ASCC3: variants seen among roughly 807,000 people sequenced by gnomAD.
ASCC3 encodes ASC-1 complex subunit P200.
Under a neutral mutation model 256.3 loss-of-function variants are expected in ASCC3, and 158 were observed. That is an observed-to-expected ratio of 0.62 (90% CI 0.54 to 0.70). The LOEUF is 0.70. Ranked by LOEUF, ASCC3 falls within the 30% of genes least tolerant of loss-of-function variation. The pLI, the probability that ASCC3 is intolerant of heterozygous loss-of-function variation, is 0.00. For missense variants in ASCC3, 2,259 were observed against 2,626.0 expected (o/e 0.86, Z 3.05); for synonymous variants, 948 against 883.4 (o/e 1.07, Z -1.30).
chr6:100,622,575 T>C (rs1249022957), intron 30 of ASCC3, among the ~76,000 whole-genome samples: 2 of 151,934 alleles, frequency 1.3e-5, no homozygotes, highest in Admixed American at 1.3e-4. Context: ...AATACACCTA[T>C]GTAACAAACC....
At chr6:100,867,670 T>C (rs2114554993) in intron 2 of ASCC3, among the ~76,000 whole-genome samples, 1 of 152,046 alleles carries the variant, frequency 6.6e-6, no homozygotes. Context: ...AAAAAAAAAA[T>C]TAACAAAGGA....
chr6:100,632,585 T>G (rs538416294), intron 25 of ASCC3, among the ~76,000 whole-genome samples: 1 of 152,036 alleles, frequency 6.6e-6, no homozygotes, highest in Non-Finnish European at 1.5e-5. Flanking sequence ...AAAGCTACAG[T>G]AATCATAACA....
At chr6:100,796,552 G>A (rs949610322) in intron 8 of ASCC3, among the ~76,000 whole-genome samples, 1 of 152,068 alleles carries the variant, frequency 6.6e-6, no homozygotes, top group Non-Finnish European at 1.5e-5. Context: ...TAACCTGATA[G>A]GGCTGGTGAA....
intron 8 of ASCC3, among the ~76,000 whole-genome samples, chr6:100,794,827 T>G (rs1162195680): frequency 1.3e-5 from 2 of 152,046 alleles, no homozygotes; most frequent in Non-Finnish European, 2.9e-5. Context: ...CCCTACTGAC[T>G]CTTAAAAAAT....
intron 10 of ASCC3, among the ~76,000 whole-genome samples, chr6:100,732,860 T>C (rs1779972315): frequency 6.6e-6 from 1 of 152,102 alleles, no homozygotes; most frequent in Non-Finnish European, 1.5e-5. Context: ...GCACCAGTAG[T>C]GTAGTGTTAG....
chr6:100,600,192 C>T (rs1233499599), intron 34 of ASCC3, among the ~76,000 whole-genome samples: 1 of 124,222 alleles, frequency 8.1e-6, no homozygotes, highest in Admixed American at 9.1e-5. Flanking sequence ...CCCATCTATA[C>T]ACACATGCAC....
intron 30 of ASCC3, among the ~76,000 whole-genome samples, chr6:100,607,572 C>T (rs999612630): frequency 6.6e-6 from 1 of 151,924 alleles, no homozygotes; most frequent in South Asian, 2.1e-4. Context: ...CTGAACAAGT[C>T]ACACAACCTC....
chr6:100,835,099 A>G (rs1307742937), intron 4 of ASCC3, among the ~76,000 whole-genome samples: 2 of 151,904 alleles, frequency 1.3e-5, no homozygotes, highest in Non-Finnish European at 2.9e-5. Context: ...AAAAAAAGAC[A>G]CATTCTGATT....
intron 37 of ASCC3, chr6:100,531,191 C>T (rs1774854544): frequency 1.6e-6 from 1 of 614,854 alleles, no homozygotes; most frequent in African/African-American, 1.8e-5. Context: ...TTTAAGGATA[C>T]ATCTTGGACC....
intron 10 of ASCC3, among the ~76,000 whole-genome samples, chr6:100,753,120 C>A (rs1376994541): frequency 6.6e-6 from 1 of 151,890 alleles, no homozygotes. Context: ...CTTTGAAGAT[C>A]ATAGCTTATT....
At chr6:100,728,806 C>T (rs1388413842) in intron 10 of ASCC3, among the ~76,000 whole-genome samples, 2 of 152,082 alleles carry the variant, frequency 1.3e-5, no homozygotes, top group Non-Finnish European at 1.5e-5. Context: ...ATGAAAGCAT[C>T]CATAGCTGCG....
At position 100,745,607 on chromosome 6, in the gene ASCC3, T is replaced by A. The variant is rs368200943; in HGVS notation, c.1738-19904A>T. 2.0e-4 allele frequency among the ~76,000 whole-genome samples: 30 copies of A among 152,282 alleles called. No individual in the cohort carries two copies. In the East Asian group the frequency reaches 5.4e-3, roughly 27 times the overall value. On this transcript the variant is annotated intron_variant, in intron 10 of 41. Transcript: ENST00000369162. Reference sequence around the variant, plus strand: ...CCATCATGCTTTCTTTAAGCATATGTTTGCACTGTTGGAAGGGACTTTCTG... The same window carrying A: ...CCATCATGCTTTCTTTAAGCATATGATTGCACTGTTGGAAGGGACTTTCTG...
chr6:100,692,649 T>G (rs1327026596), intron 13 of ASCC3, among the ~76,000 whole-genome samples: 1 of 152,086 alleles, frequency 6.6e-6, no homozygotes, highest in African/African-American at 2.4e-5. Flanking sequence ...CTGAATTGTT[T>G]TCTCTCTTTA....
chr6:100,519,347 A>G (rs979871734), intron 37 of ASCC3, among the ~76,000 whole-genome samples: 2 of 152,154 alleles, frequency 1.3e-5, no homozygotes, highest in African/African-American at 4.8e-5. Flanking sequence ...ATAAAGACAG[A>G]ATGTTGGTAT....
chr6:100,671,690 C>A (rs1289395271), intron 14 of ASCC3, among the ~76,000 whole-genome samples: 1 of 151,984 alleles, frequency 6.6e-6, no homozygotes, highest in Admixed American at 6.6e-5. Flanking sequence ...ATATTCCTTT[C>A]CCCCAGTGAA....
intron 1 of ASCC3, among the ~76,000 whole-genome samples, chr6:100,878,634 A>G (rs1769115700): frequency 6.6e-6 from 1 of 152,218 alleles, no homozygotes; most frequent in Admixed American, 6.5e-5. Flanking sequence ...TCCAGTGGAA[A>G]AGGGCCTAGC....
rs1325844836 is a variant in ASCC3, at chr6:100,675,568, T to C, written c.2286+4050A>G. Among the ~76,000 whole-genome samples the C allele has an allele frequency of 2.6e-5, 4 of 151,930 alleles. No homozygotes were observed. The South Asian group carries it at 6.2e-4, about 24-fold the overall frequency. ...TGAACTTATAAAAACAAGGAAATGA[T>C]TGACAGATCTACATAATAAAAAGTC... On this transcript the variant is annotated intron_variant, in intron 14 of 41. Transcript: ENST00000369162.
chr6:100,573,564 T>C (rs1770703514), intron 36 of ASCC3, among the ~76,000 whole-genome samples: 1 of 152,136 alleles, frequency 6.6e-6, no homozygotes, highest in Admixed American at 6.6e-5. Flanking sequence ...ATGTTCTACT[T>C]ACTCAACGTA....
At chr6:100,510,343 A>G in intron 40 of ASCC3, 1 of 497,494 alleles carries the variant, frequency 2.0e-6, no homozygotes, top group East Asian at 3.4e-5. Context: ...AGTTGTAACT[A>G]TCAGAATATA....
Sources: gnomAD v4.1 joint callset for allele counts (sites outside exome capture counted in the v4.1 genomes callset) on GRCh38, gnomAD v4.1.1 for gene constraint, MANE v1.5 for transcripts, NCBI Gene and HGNC (gene_info 2026-07-23, HGNC 2026-07-21) for gene names.